The following CADM2 variants were observed in gnomAD, a reference collection of about 807,000 sequenced individuals.
CADM2 encodes the protein immunoglobulin superfamily member 4D.
Under a neutral mutation model 49.8 loss-of-function variants are expected in CADM2, and 12 were observed. The observed-to-expected ratio is 0.24, with a 90% CI of 0.15 to 0.39. The LOEUF is 0.39. Ranked by LOEUF, CADM2 falls within the 10% of genes least tolerant of loss-of-function variation. CADM2 has a pLI of 1.00. For synonymous variants in CADM2, 214 were observed against 175.4 expected, an observed-to-expected ratio of 1.22 and a Z score of -1.74; for missense variants, 378 against 492.3, an observed-to-expected ratio of 0.77 and a Z score of 2.20.
intron 8 of CADM2, chr3:86,012,688 A>G: frequency 7.9e-7 from 1 of 1,265,436 alleles, no homozygotes; most frequent in East Asian, 2.4e-5. Flanking sequence ...GAGCTGACTT[A>G]GAAGATAAAA....
chr3:85,133,358 C>T (rs2039297275), intron 1 of CADM2, among the ~76,000 whole-genome samples: 1 of 152,126 alleles, frequency 6.6e-6, no homozygotes, highest in African/African-American at 2.4e-5. Flanking sequence ...CTGATTGGTG[C>T]GTTTACAATC....
intron 1 of CADM2, among the ~76,000 whole-genome samples, chr3:85,722,809 A>C (rs1179931483): frequency 1.3e-5 from 2 of 152,152 alleles, no homozygotes; most frequent in Non-Finnish European, 2.9e-5. Flanking sequence ...TTCATACCCT[A>C]CTAATAGTCC....
At chr3:85,226,202 C>T (rs1251702304) in intron 1 of CADM2, among the ~76,000 whole-genome samples, 3 of 150,836 alleles carry the variant, frequency 2.0e-5, no homozygotes, top group Non-Finnish European at 4.4e-5. Context: ...ATATCAGCTC[C>T]TCTTTGTACC....
intron 1 of CADM2, among the ~76,000 whole-genome samples, chr3:85,612,950 A>G (rs532234004): frequency 1.3e-5 from 2 of 151,868 alleles, no homozygotes; most frequent in African/African-American, 2.4e-5. Context: ...CCTGTTGATT[A>G]CATGTTTAAG....
At chr3:85,347,900 T>A (rs551450299) in intron 1 of CADM2, among the ~76,000 whole-genome samples, 128 of 151,572 alleles carry the variant, frequency 8.4e-4, no homozygotes, top group Non-Finnish European at 1.5e-3. Flanking sequence ...CTCCGCCTCC[T>A]AGGTTCACGC....
At chr3:85,646,660 A>G (rs1188530967) in intron 1 of CADM2, among the ~76,000 whole-genome samples, 2 of 151,984 alleles carry the variant, frequency 1.3e-5, no homozygotes, top group Admixed American at 6.6e-5. Flanking sequence ...TTTAGGCACG[A>G]TGACATATTG....
At chr3:85,943,396 A>C (rs1275920325) in intron 7 of CADM2, among the ~76,000 whole-genome samples, 1 of 145,876 alleles carries the variant, frequency 6.9e-6, no homozygotes, top group East Asian at 2.0e-4. Flanking sequence ...TGTTTTAGAC[A>C]TGAAGTCCTT....
intron 1 of CADM2, among the ~76,000 whole-genome samples, chr3:85,262,814 T>G (rs1410482427): frequency 6.6e-6 from 1 of 152,122 alleles, no homozygotes; most frequent in Non-Finnish European, 1.5e-5. Context: ...ACGTATAAGA[T>G]CTACACAGAC....
rs367604199 is a variant in CADM2, at chr3:85,588,712, C to G, written c.62-137810C>G. On this transcript the variant is annotated intron_variant, in intron 1 of 9. Transcript: ENST00000383699. ...TTATGTTTCCAGTAGCAACAGTATG[C>G]TAGGGGGATTATTTTGGCTACATTT... Among the ~76,000 whole-genome samples the G allele has an allele frequency of 3.3e-5, 5 of 151,896 alleles. No individual in the cohort carries two copies. The East Asian group carries it at 9.7e-4, about 29-fold the overall frequency.
chr3:85,439,257 G>T (rs775280067), intron 1 of CADM2, among the ~76,000 whole-genome samples: 2 of 150,876 alleles, frequency 1.3e-5, no homozygotes, highest in African/African-American at 4.9e-5. Context: ...AGGTTCATGC[G>T]ATTCTCCTGC....
chr3:85,704,790 A>T (rs761456553), intron 1 of CADM2, among the ~76,000 whole-genome samples: 4 of 151,976 alleles, frequency 2.6e-5, no homozygotes, highest in African/African-American at 4.8e-5. Context: ...CCATTAAAAA[A>T]TCAATCTCCT....
intron 2 of CADM2, among the ~76,000 whole-genome samples, chr3:85,791,523 A>G (rs1288916805): frequency 6.7e-4 from 93 of 139,430 alleles, no homozygotes; most frequent in African/African-American, 2.5e-3. Context: ...GTGGGGAGGG[A>G]GAGAGAGAGA....
At chr3:85,498,341 A>T (rs947995417) in intron 1 of CADM2, among the ~76,000 whole-genome samples, 13 of 152,194 alleles carry the variant, frequency 8.5e-5, no homozygotes, top group African/African-American at 3.1e-4. Flanking sequence ...AGCTCCCTTC[A>T]GGCATGAGCT....
At chr3:84,994,507 G>A (rs2033070948) in intron 1 of CADM2, among the ~76,000 whole-genome samples, 1 of 152,080 alleles carries the variant, frequency 6.6e-6, no homozygotes. Context: ...AAGTAGGAAG[G>A]TAGGTAAAAT....
intron 6 of CADM2, among the ~76,000 whole-genome samples, chr3:85,930,658 G>A (rs2108525934): frequency 6.6e-6 from 1 of 151,960 alleles, no homozygotes; most frequent in South Asian, 2.1e-4. Context: ...ATGATTACGA[G>A]TTGAATTGAT....
chr3:85,215,673 G>T (rs1676145150), intron 1 of CADM2, among the ~76,000 whole-genome samples: 1 of 152,060 alleles, frequency 6.6e-6, no homozygotes. Flanking sequence ...GCTTAGATGG[G>T]CTTTCAAGTT....
rs573902085 is a variant in CADM2, at chr3:85,474,604, A to G, written c.62-251918A>G. The stretch of plus-strand genomic sequence containing the variant: ...GAGTGATTAAAACACTCCCAAAAAT[A>G]TTTCAATTATTTCCTCAAATTACAT... On this transcript the variant is annotated intron_variant, in intron 1 of 9. Transcript: ENST00000383699. Among the ~76,000 whole-genome samples, 72 of 152,002 alleles carry G rather than the reference A, an allele frequency of 4.7e-4. 1 individual carries two copies. The South Asian group carries it at 0.015, about 31-fold the overall frequency.
At chr3:85,855,679 T>C (rs1435898636) in intron 3 of CADM2, among the ~76,000 whole-genome samples, 1 of 149,046 alleles carries the variant, frequency 6.7e-6, no homozygotes, top group Admixed American at 6.8e-5. Flanking sequence ...TAGGCTGGAG[T>C]GCAGTGGCAT....
intron 3 of CADM2, among the ~76,000 whole-genome samples, chr3:85,878,559 G>T (rs1323385415): frequency 6.6e-6 from 1 of 151,976 alleles, no homozygotes; most frequent in Non-Finnish European, 1.5e-5. Flanking sequence ...TGTATTTGAA[G>T]TCACATTACA....
Sources: gnomAD v4.1 joint callset for allele counts (sites outside exome capture counted in the v4.1 genomes callset) on GRCh38, gnomAD v4.1.1 for gene constraint, MANE v1.5 for transcripts, NCBI Gene and HGNC (gene_info 2026-07-23, HGNC 2026-07-21) for gene names.